CUBN: variants seen among roughly 807,000 people sequenced by gnomAD.
The protein encoded by CUBN is cubilin.
A neutral mutation model predicts 405.3 loss-of-function variants in CUBN; 282 were observed. The ratio of observed to expected loss-of-function variants is 0.70; its 90% CI spans 0.63 to 0.77. CUBN has a LOEUF of 0.77. Ranked by LOEUF, CUBN falls within the 30% of genes least tolerant of loss-of-function variation. The pLI is 0.00. For missense variants in CUBN, 4,514 were observed against 4,475.2 expected, an observed-to-expected ratio of 1.01 and a Z score of -0.25; for synonymous variants, 1,684 against 1,617.0, an observed-to-expected ratio of 1.04 and a Z score of -0.99.
intron 27 of CUBN, among the ~76,000 whole-genome samples, chr10:17,024,595 C>T (rs890642475): frequency 6.6e-6 from 1 of 152,162 alleles, no homozygotes; most frequent in South Asian, 2.1e-4. Context: ...GCCTCACCCT[C>T]CCAGGCTCAA....
rs566789021 is a variant in CUBN, at chr10:16,857,981, A to C, written c.9455-6538T>G. 4.6e-5 allele frequency among the ~76,000 whole-genome samples: 7 copies of C among 152,330 alleles called. No homozygotes were observed. In the East Asian group the frequency reaches 1.3e-3, roughly 29 times the overall value. On this transcript the variant is annotated intron_variant, in intron 59 of 66. Transcript: ENST00000377833. ...AGCAAGAACTCAGGATAAAGGAACAATACACAAAAATCAATCAAATTTTAA... is the reference window on the plus strand; with the variant it reads ...AGCAAGAACTCAGGATAAAGGAACACTACACAAAAATCAATCAAATTTTAA...
intron 31 of CUBN, among the ~76,000 whole-genome samples, chr10:16,964,583 T>C (rs542831770): frequency 2.6e-5 from 4 of 152,342 alleles, no homozygotes; most frequent in Admixed American, 2.6e-4. Flanking sequence ...CTTTTCTGTA[T>C]TCTACAAATT....
At chr10:16,876,845 A>T in intron 57 of CUBN, 52 bp downstream of exon 57, 1 of 1,472,446 alleles carries the variant, frequency 6.8e-7, no homozygotes, top group Non-Finnish European at 9.5e-7. Flanking sequence ...CTCTTTGTAT[A>T]CATTACTCAG....
chr10:16,836,009 G>C (rs527847924), intron 63 of CUBN, among the ~76,000 whole-genome samples: 4 of 152,110 alleles, frequency 2.6e-5, no homozygotes, highest in Admixed American at 6.5e-5. Flanking sequence ...GAAAATGCTA[G>C]CATTCTAACC....
At chr10:16,934,175 C>T (rs371610262) in intron 39 of CUBN, among the ~76,000 whole-genome samples, 35 of 152,236 alleles carry the variant, frequency 2.3e-4, no homozygotes, top group African/African-American at 7.7e-4. Flanking sequence ...AAGAGAATGC[C>T]ACAAAAATGA....
In CUBN at chr10:17,125,386, T is replaced by C. The variant is rs528508000; in HGVS notation, c.387+1375A>G. 2.0e-5 allele frequency among the ~76,000 whole-genome samples: 3 copies of C among 152,296 alleles called. No individual in the cohort carries two copies. The South Asian group carries it at 6.2e-4, about 32-fold the overall frequency. Reference sequence around the variant, plus strand: ...CAATACCATTTTCTGCAAAGCACATTCCTTCTCCACTTTGGTCATAAATTA... The same window carrying C: ...CAATACCATTTTCTGCAAAGCACATCCCTTCTCCACTTTGGTCATAAATTA... On this transcript the variant is annotated intron_variant, in intron 4 of 66. Transcript: ENST00000377833.
intron 28 of CUBN, among the ~76,000 whole-genome samples, chr10:16,997,974 AG>A (rs1256894820): frequency 1.3e-5 from 2 of 152,168 alleles, no homozygotes; most frequent in Admixed American, 1.3e-4. Context: ...GTATTCTGTG[AG>A]GAAGGGGACA....
intron 1 of CUBN, 97 bp downstream of exon 1, chr10:17,129,547 T>G: frequency 6.6e-7 from 1 of 1,524,906 alleles, no homozygotes; most frequent in South Asian, 1.1e-5. Flanking sequence ...ATAATTTTCC[T>G]CAAGAAAAAT....
chr10:16,878,059 G>A (rs377634933), intron 56 of CUBN, among the ~76,000 whole-genome samples: 6 of 152,188 alleles, frequency 3.9e-5, no homozygotes, highest in Non-Finnish European at 7.3e-5. Flanking sequence ...AGGCCTAGGC[G>A]GGCGGATCAC....
intron 28 of CUBN, among the ~76,000 whole-genome samples, chr10:17,001,132 C>T (rs539761327): frequency 1.3e-5 from 2 of 152,128 alleles, no homozygotes; most frequent in South Asian, 4.2e-4. Flanking sequence ...GTTCATTCTT[C>T]CCGGTGGGTT....
chr10:16,925,090 T>G, intron 43 of CUBN, 151 bp downstream of exon 43: 117 of 632,866 alleles, frequency 1.8e-4, no homozygotes, highest in Middle Eastern at 3.3e-4. Flanking sequence ...GTAGTCACGA[T>G]GAGATATTGA....
chr10:17,113,198 G>A (rs1356660033), intron 8 of CUBN, among the ~76,000 whole-genome samples: 1 of 152,176 alleles, frequency 6.6e-6, no homozygotes, highest in Admixed American at 6.5e-5. Flanking sequence ...CCAGGAGGTG[G>A]AGGTTGCAGT....
chr10:16,888,646 C>T (rs1840894625), intron 55 of CUBN, 80 bp from the exon 56 acceptor site: 1 of 1,223,538 alleles, frequency 8.2e-7, no homozygotes, highest in African/African-American at 1.5e-5. Flanking sequence ...GAGGCATTTT[C>T]CTAAATTATC....
intron 10 of CUBN, among the ~76,000 whole-genome samples, chr10:17,106,353 G>A (rs1295740528): frequency 6.8e-6 from 1 of 146,974 alleles, no homozygotes; most frequent in Non-Finnish European, 1.5e-5. Context: ...TGTAATCCCT[G>A]AACTTTGGGA....
intron 54 of CUBN, among the ~76,000 whole-genome samples, chr10:16,894,509 T>C (rs1049776217): frequency 6.6e-6 from 1 of 152,186 alleles, no homozygotes; most frequent in Non-Finnish European, 1.5e-5. Context: ...CAAAAATCAA[T>C]TGAGGATGTT....
At chr10:16,895,022 G>A (rs996654053) in intron 54 of CUBN, among the ~76,000 whole-genome samples, 1 of 152,092 alleles carries the variant, frequency 6.6e-6, no homozygotes, top group African/African-American at 2.4e-5. Flanking sequence ...CTCCTGTTTG[G>A]CCTCTTACAC....
At chr10:17,068,882 C>T in intron 19 of CUBN, 112 bp from the exon 20 acceptor site, 1 of 916,346 alleles carries the variant, frequency 1.1e-6, no homozygotes, top group Admixed American at 2.2e-5. Context: ...TTTGAGAATA[C>T]AATCAATTTT....
At chr10:16,934,155 T>C (rs1398466542) in intron 39 of CUBN, among the ~76,000 whole-genome samples, 2 of 152,030 alleles carry the variant, frequency 1.3e-5, no homozygotes, top group African/African-American at 4.8e-5. Context: ...GAGAGAGAGA[T>C]GGGAATAGGA....
Position 17,000,568 on chromosome 10 carries a change from C to T in CUBN, c.4169-10053G>A, listed in dbSNP as rs148814903. On this transcript the variant is annotated intron_variant, in intron 28 of 66. Coordinates refer to ENST00000377833, the MANE Select transcript of CUBN (RefSeq NM_001081.4). ...ATCTTTTTAAAAACATTTATTATTACGGGAATTTATAAAATTACCTACTAT... is the reference window on the plus strand; with the variant it reads ...ATCTTTTTAAAAACATTTATTATTATGGGAATTTATAAAATTACCTACTAT... Among the ~76,000 whole-genome samples, 166 of 152,284 alleles carry T rather than the reference C, an allele frequency of 1.1e-3. 1 individual carries two copies. In the East Asian group the frequency reaches 0.027, roughly 25 times the overall value.
Sources: allele counts gnomAD v4.1 joint callset (sites outside exome capture counted in the v4.1 genomes callset), GRCh38; gene constraint gnomAD v4.1.1; transcripts MANE v1.5; gene names NCBI Gene and HGNC (gene_info 2026-07-23, HGNC 2026-07-21).